The following ABHD3 variants were observed in gnomAD, a reference collection of about 807,000 sequenced individuals.
ABHD3 encodes abhydrolase domain containing 3, phospholipase.
Under a neutral mutation model 48.8 loss-of-function variants are expected in ABHD3, and 46 were observed. The ratio of observed to expected loss-of-function variants is 0.94; its 90% CI spans 0.74 to 1.20. The LOEUF is 1.20. Among genes scored for constraint, ABHD3 ranks in the 50% most tolerant of loss-of-function variants. The probability of loss-of-function intolerance (pLI) is 0.00; values close to 1 mark genes in which losing one functional copy is unlikely to be tolerated. For missense variants in ABHD3, 490 were observed against 497.8 expected, an observed-to-expected ratio of 0.98 and a Z score of 0.15; for synonymous variants, 192 against 183.7, an observed-to-expected ratio of 1.04 and a Z score of -0.36.
At chr18:21,666,742 C>T (rs868207644) in intron 4 of ABHD3, among the ~76,000 whole-genome samples, 1 of 152,140 alleles carries the variant, frequency 6.6e-6, no homozygotes. Context: ...CAATATATAA[C>T]ACATTTAAAC....
intron 6 of ABHD3, among the ~76,000 whole-genome samples, chr18:21,657,642 G>A (rs2039389370): frequency 6.6e-6 from 1 of 151,858 alleles, no homozygotes; most frequent in Non-Finnish European, 1.5e-5. Flanking sequence ...GAGCCACCTT[G>A]CCTGGCCTGG....
chr18:21,673,270 C>G, intron 4 of ABHD3, among the ~76,000 whole-genome samples: 1 of 152,144 alleles, frequency 6.6e-6, no homozygotes, highest in Non-Finnish European at 1.5e-5. Flanking sequence ...CCAAATGAAT[C>G]AGAATCTCTG....
intron 5 of ABHD3, among the ~76,000 whole-genome samples, chr18:21,660,935 A>G (rs2039478186): frequency 6.6e-6 from 1 of 152,004 alleles, no homozygotes; most frequent in South Asian, 2.1e-4. Context: ...CCTTGAAGGG[A>G]AACTCAGGAC....
intron 8 of ABHD3, among the ~76,000 whole-genome samples, chr18:21,653,254 T>TGAACCC (rs2039269611): frequency 1.3e-5 from 2 of 150,600 alleles, no homozygotes; most frequent in Admixed American, 1.3e-4. Context: ...CCCAGCTACT[T>TGAACCC]GGGAGGCCAA....
intron 4 of ABHD3, chr18:21,683,569 T>C: frequency 2.0e-6 from 1 of 505,086 alleles, no homozygotes; most frequent in South Asian, 1.5e-5. Flanking sequence ...AAAAGCTGGG[T>C]TGAGAGGGTA....
chr18:21,662,804 G>C (rs2039532373), intron 5 of ABHD3, among the ~76,000 whole-genome samples: 1 of 152,224 alleles, frequency 6.6e-6, no homozygotes, highest in Non-Finnish European at 1.5e-5. Flanking sequence ...TTCAGGCACT[G>C]AGGCTTCAAT....
At chr18:21,659,962 C>CTTTTTTTTTTTTT (rs60634505) in intron 5 of ABHD3, among the ~76,000 whole-genome samples, 1 of 73,860 alleles carries the variant, frequency 1.4e-5, no homozygotes, top group African/African-American at 7.9e-5. Context: ...TGCACCCGGC[C>CTTTTTTTTTTTTT]TTTTTTTTTT....
In ABHD3 at chr18:21,672,375, G is replaced by A. The variant is rs142930861; in HGVS notation, c.556-8145C>T. ...ACTTCCAATGCTGAACTAAGCTATC[G>A]AGAATTTTAGTTTTCTGTCCAGCAA... On this transcript the variant is annotated intron_variant, in intron 4 of 8. Coordinates refer to ENST00000289119, the MANE Select transcript of ABHD3 (RefSeq NM_138340.5). Among the ~76,000 whole-genome samples the A allele has an allele frequency of 2.4e-4, 37 of 152,246 alleles. 2 individuals are homozygous for A. In the East Asian group the frequency reaches 6.9e-3, roughly 29 times the overall value.
At position 21,695,726 on chromosome 18, in the gene ABHD3, C is replaced by T. The variant is rs555358534; in HGVS notation, c.509+6590G>A. On this transcript the variant is annotated intron_variant, in intron 3 of 8. Coordinates refer to ENST00000289119, the MANE Select transcript of ABHD3 (RefSeq NM_138340.5). ...ATGTGCCATACAAGCCGTGATCTAC[C>T]TTCTTAGATTTTTACATGAGAGAAA... Among the ~76,000 whole-genome samples the T allele has an allele frequency of 4.6e-5, 7 of 152,296 alleles. No homozygotes were observed. The South Asian group carries it at 1.2e-3, about 27-fold the overall frequency.
At chr18:21,697,076 T>A (rs796783115) in intron 3 of ABHD3, among the ~76,000 whole-genome samples, 3 of 146,092 alleles carry the variant, frequency 2.1e-5, no homozygotes, top group African/African-American at 5.0e-5. Flanking sequence ...TCTATTAACT[T>A]TTTTTTTTTT....
At chr18:21,652,086 T>C (rs2039235366) in intron 8 of ABHD3, among the ~76,000 whole-genome samples, 1 of 152,210 alleles carries the variant, frequency 6.6e-6, no homozygotes, top group Non-Finnish European at 1.5e-5. Context: ...CAAGGAATGG[T>C]GAATCCTCAT....
intron 6 of ABHD3, among the ~76,000 whole-genome samples, chr18:21,658,907 C>T (rs1420372819): frequency 3.3e-5 from 5 of 149,738 alleles, no homozygotes; most frequent in African/African-American, 9.9e-5. Context: ...GGCACGATCT[C>T]GGCTTACTGC....
chr18:21,662,986 G>A lies in ABHD3; in HGVS notation c.668+1132C>T, dbSNP rs45446091. Among the ~76,000 whole-genome samples, 567 of 152,276 alleles carry A rather than the reference G, an allele frequency of 3.7e-3. 2 individuals are homozygous for A. The highest frequency in any genetic ancestry group is 6.4e-3 in the Non-Finnish European group (434 of 68,016). ...GGAAAGGAAAGTGACGCTAAACTCC[G>A]TCCATTAAGCACAATTCAGAGAGTC... is the stretch of plus-strand genomic sequence containing the variant. On this transcript the variant is annotated intron_variant, in intron 5 of 8. Coordinates refer to ENST00000289119, the MANE Select transcript of ABHD3 (RefSeq NM_138340.5).
At chr18:21,701,802 C>G (rs963051294) in intron 3 of ABHD3, 1 of 152,170 alleles carries the variant, frequency 6.6e-6, no homozygotes, top group African/African-American at 2.4e-5. Flanking sequence ...TGGAGACTAG[C>G]CAAGTGCACC....
rs1358303904 is a variant in ABHD3, at chr18:21,659,232, T to C, written c.780A>G (p.Lys260=). 9 of 1,613,626 alleles carry C rather than the reference T, an allele frequency of 5.6e-6. No individual in the cohort carries two copies. The highest frequency in any genetic ancestry group is 2.2e-5 in the East Asian group (1 of 44,846). ...NTFACSESLE[K]PLNWLLFNYY... is the part of the protein sequence containing the mutation. ...AATTAAAAAGTAGCCAGTTCAGTGG[T>C]TTTTCCAATGACTCTGAGCAAGCGA... Residue 260 remains lysine, a synonymous_variant, in exon 6 of 9, where the codon AAA becomes AAG. Coordinates refer to ENST00000289119, the MANE Select transcript of ABHD3 (RefSeq NM_138340.5).
intron 3 of ABHD3, among the ~76,000 whole-genome samples, chr18:21,697,038 T>C (rs1306228876): frequency 1.3e-5 from 2 of 151,852 alleles, no homozygotes; most frequent in South Asian, 2.1e-4. Context: ...TATCTTCATG[T>C]AGGCAGGCCA....
chr18:21,689,549 CAAAAAAAA>C (rs36011228), intron 3 of ABHD3, among the ~76,000 whole-genome samples: 1,115 of 41,836 alleles, frequency 0.027, 15 homozygotes, highest in Admixed American at 0.08. Flanking sequence ...AATCTGGTCT[CAAAAAAAA>C]AAAAAAAAAA....
Position 21,659,204 on chromosome 18 carries a change from A to G in ABHD3, c.808T>C (p.Tyr270His). The G allele has an allele frequency of 6.2e-7, 1 of 1,613,800 alleles. No homozygotes were observed. The highest frequency in any genetic ancestry group is 8.5e-7 in the Non-Finnish European group (1 of 1,179,926). Residue 270 changes from tyrosine to histidine, a missense_variant, in exon 6 of 9, where the codon TAT becomes CAT. Coordinates refer to ENST00000289119, the MANE Select transcript of ABHD3 (RefSeq NM_138340.5). ...GAAGACTGAAGGCAGGTTGTCAAAT[A>G]GTAATTAAAAAGTAGCCAGTTCAGT... ...KPLNWLLFNY[Y>H]LTTCLQSSVN...
intron 3 of ABHD3, among the ~76,000 whole-genome samples, chr18:21,684,311 CTTTTTTTTTTT>C (rs564516602): frequency 2.4e-5 from 2 of 82,816 alleles, no homozygotes; most frequent in African/African-American, 5.4e-5. Flanking sequence ...AATGTTTTTG[CTTTTTTTTTTT>C]TTTTTTTTTT....
Sources: gnomAD v4.1 joint callset for allele counts (sites outside exome capture counted in the v4.1 genomes callset) on GRCh38, gnomAD v4.1.1 for gene constraint, MANE v1.5 for transcripts, NCBI Gene and HGNC (gene_info 2026-07-23, HGNC 2026-07-21) for gene names.